CDH12: variants seen among roughly 807,000 people sequenced by gnomAD.
CDH12 encodes cadherin 12, also known as cadherin-12.
A neutral mutation model predicts 74.1 loss-of-function variants in CDH12; 41 were observed. That is an observed-to-expected ratio of 0.55 (90% CI 0.43 to 0.72). The LOEUF (loss-of-function observed/expected upper bound fraction) is 0.72. Ranked by LOEUF, CDH12 falls within the 30% of genes least tolerant of loss-of-function variation. The probability of loss-of-function intolerance (pLI) is 0.00; values close to 1 mark genes in which losing one functional copy is unlikely to be tolerated. For missense variants in CDH12, 945 were observed against 977.2 expected, an observed-to-expected ratio of 0.97 and a Z score of 0.44; for synonymous variants, 399 against 355.0, an observed-to-expected ratio of 1.12 and a Z score of -1.39.
At chr5:22,048,705 A>G (rs1429323342) in intron 5 of CDH12, among the ~76,000 whole-genome samples, 1 of 152,174 alleles carries the variant, frequency 6.6e-6, no homozygotes, top group Non-Finnish European at 1.5e-5. Flanking sequence ...AAAAAGGGAG[A>G]GAACATATAT....
At chr5:22,354,036 A>G (rs114944619) in intron 3 of CDH12, among the ~76,000 whole-genome samples, 3,354 of 152,276 alleles carry the variant, frequency 0.022, 64 homozygotes, top group African/African-American at 0.051. Context: ...GGAAGTGACA[A>G]AATTCCCATC....
At chr5:22,626,749 A>G (rs1219370705) in intron 1 of CDH12, among the ~76,000 whole-genome samples, 2 of 152,216 alleles carry the variant, frequency 1.3e-5, no homozygotes, top group African/African-American at 4.8e-5. Context: ...ACACAGGCTG[A>G]AATGGCTAAA....
chr5:22,621,380 A>G (rs770370801), intron 1 of CDH12, among the ~76,000 whole-genome samples: 5 of 152,178 alleles, frequency 3.3e-5, no homozygotes, highest in Non-Finnish European at 5.9e-5. Context: ...CTGCCTAGCA[A>G]GAACAATATT....
chr5:22,549,510 C>A (rs920181547), intron 1 of CDH12, among the ~76,000 whole-genome samples: 10 of 152,112 alleles, frequency 6.6e-5, no homozygotes, highest in South Asian at 2.1e-4. Context: ...TTCCAGAGAG[C>A]TATTTTGTTT....
rs1355445354 is a variant in CDH12 at position 22,691,190 on chromosome 5, G to A, written c.-523+161868C>T. 2.0e-5 allele frequency among the ~76,000 whole-genome samples: 3 copies of A among 152,134 alleles called. No homozygotes were observed. In the East Asian group the frequency reaches 5.8e-4, roughly 29 times the overall value. ...CAAGCAGAAATATAAAACTATACATGTATTTCTTGCATAGAACTGAAAAAA... is the reference window on the plus strand; with the variant it reads ...CAAGCAGAAATATAAAACTATACATATATTTCTTGCATAGAACTGAAAAAA... On this transcript the variant is annotated intron_variant, in intron 1 of 14. Transcript: ENST00000382254.
intron 6 of CDH12, among the ~76,000 whole-genome samples, chr5:21,887,339 TA>T (rs1190663792): frequency 1.3e-5 from 2 of 152,106 alleles, no homozygotes; most frequent in Non-Finnish European, 2.9e-5. Context: ...GGACAAAAAT[TA>T]AAAATGCATG....
chr5:21,997,715 A>T (rs1171426600), intron 5 of CDH12, among the ~76,000 whole-genome samples: 1 of 152,146 alleles, frequency 6.6e-6, no homozygotes, highest in Non-Finnish European at 1.5e-5. Context: ...TCTTTCTCTC[A>T]TAGTCAAAAG....
chr5:22,422,906 T>C (rs1350963009), intron 2 of CDH12, among the ~76,000 whole-genome samples: 1 of 152,188 alleles, frequency 6.6e-6, no homozygotes, highest in Non-Finnish European at 1.5e-5. Flanking sequence ...TTTTTCTTGA[T>C]AGAAGTGTTA....
At chr5:22,192,542 C>G (rs1461553834) in intron 4 of CDH12, among the ~76,000 whole-genome samples, 1 of 152,054 alleles carries the variant, frequency 6.6e-6, no homozygotes, top group South Asian at 2.1e-4. Flanking sequence ...GCCCTATGGA[C>G]AGCATGGATA....
chr5:22,571,181 T>A (rs1272907113), intron 1 of CDH12, among the ~76,000 whole-genome samples: 1 of 152,194 alleles, frequency 6.6e-6, no homozygotes, highest in South Asian at 2.1e-4. Context: ...TATTAACCTC[T>A]GTGTGTTCAC....
chr5:22,204,165 T>TG (rs1373693376), intron 4 of CDH12, among the ~76,000 whole-genome samples: 235 of 146,898 alleles, frequency 1.6e-3, no homozygotes, highest in African/African-American at 5.1e-3. Flanking sequence ...TTTGTTTGTT[T>TG]TTTTTTTTTT....
intron 6 of CDH12, among the ~76,000 whole-genome samples, chr5:21,887,616 C>T (rs961593529): frequency 2.6e-5 from 4 of 152,148 alleles, no homozygotes; most frequent in African/African-American, 9.7e-5. Flanking sequence ...TACACTTCTT[C>T]CAATTGAACA....
At chr5:22,290,551 G>A (rs988595952) in intron 3 of CDH12, among the ~76,000 whole-genome samples, 4 of 152,122 alleles carry the variant, frequency 2.6e-5, no homozygotes, top group Non-Finnish European at 5.9e-5. Context: ...TCAAACAGGA[G>A]AGAGAATCTG....
intron 5 of CDH12, among the ~76,000 whole-genome samples, chr5:22,013,855 T>C (rs1472648274): frequency 1.3e-5 from 2 of 152,168 alleles, no homozygotes; most frequent in East Asian, 1.9e-4. Context: ...CTTTTTAACA[T>C]TGGCTTCTAG....
intron 3 of CDH12, among the ~76,000 whole-genome samples, chr5:22,391,172 A>G (rs865831627): frequency 6.6e-6 from 1 of 152,170 alleles, no homozygotes; most frequent in South Asian, 2.1e-4. Context: ...GTTGCAGATG[A>G]GAAGGCCTTG....
chr5:22,539,276 G>A (rs548299566), intron 1 of CDH12, among the ~76,000 whole-genome samples: 2 of 152,260 alleles, frequency 1.3e-5, no homozygotes, highest in African/African-American at 4.8e-5. Context: ...TTTCTTGACT[G>A]TACATAAAGT....
intron 6 of CDH12, among the ~76,000 whole-genome samples, chr5:21,907,099 GC>G (rs1161826943): frequency 6.6e-6 from 1 of 152,206 alleles, no homozygotes; most frequent in Non-Finnish European, 1.5e-5. Flanking sequence ...ACTGTTATGT[GC>G]CGGGGAGACT....
At chr5:21,945,570 A>G (rs1755541320) in intron 6 of CDH12, among the ~76,000 whole-genome samples, 1 of 151,774 alleles carries the variant, frequency 6.6e-6, no homozygotes, top group Non-Finnish European at 1.5e-5. Context: ...TTAAAAGTAA[A>G]TTCAATAATG....
chr5:22,282,572 A>C (rs1473090313), intron 3 of CDH12, among the ~76,000 whole-genome samples: 1 of 152,024 alleles, frequency 6.6e-6, no homozygotes, highest in Non-Finnish European at 1.5e-5. Flanking sequence ...CATCAAAAAG[A>C]GGGCAAAGTA....
Sources: allele counts gnomAD v4.1 joint callset (sites outside exome capture counted in the v4.1 genomes callset), GRCh38; gene constraint gnomAD v4.1.1; transcripts MANE v1.5; gene names NCBI Gene and HGNC (gene_info 2026-07-23, HGNC 2026-07-21).